Variants in HDAC2 observed in about 807,000 individuals in gnomAD.
HDAC2 encodes the protein YY1-associated factor 1.
Under a neutral mutation model 68.5 loss-of-function variants are expected in HDAC2, and 5 were observed. The ratio of observed to expected loss-of-function variants is 0.07; its 90% CI spans 0.04 to 0.15. The LOEUF is 0.15. Among genes scored for constraint, HDAC2 ranks in the 10% least tolerant of loss-of-function variants. HDAC2 has a pLI of 1.00. For missense variants in HDAC2, 291 were observed against 600.8 expected, an observed-to-expected ratio of 0.48 and a Z score of 5.39; for synonymous variants, 182 against 191.3, an observed-to-expected ratio of 0.95 and a Z score of 0.40.
At chr6:113,951,701 T>A (rs955861381) in intron 6 of HDAC2, among the ~76,000 whole-genome samples, 6 of 152,036 alleles carry the variant, frequency 3.9e-5, no homozygotes, top group Non-Finnish European at 7.4e-5. Flanking sequence ...TCTCCTGACC[T>A]CGTGATCCTC....
chr6:113,970,889 C>T lies in HDAC2; in HGVS notation c.20G>A (p.Gly7Asp). ...GTAGTAGCAGACTTTTTTTTTGCCG[C>T]CTCCTTGACTGTACGCCATGGGCTC... MAYSQG[G>D]GKKKVCYYYD... The change falls in exon 1 of 14, where the codon GGC becomes GAC. Residue 7 changes from glycine to aspartate, a missense_variant. By Grantham distance (94) the Gly-to-Asp change is moderately conservative. Coordinates refer to ENST00000519065, the MANE Select transcript of HDAC2 (RefSeq NM_001527.4). The T allele has an allele frequency of 6.5e-7, 1 of 1,547,326 alleles. No homozygotes were observed. Among genetic ancestry groups the T allele is most frequent in the Non-Finnish European group, 8.7e-7 (1 of 1,146,486 alleles).
intron 6 of HDAC2, among the ~76,000 whole-genome samples, chr6:113,950,700 T>TGGGG (rs34412922): frequency 1.6e-5 from 1 of 62,424 alleles, no homozygotes; most frequent in Non-Finnish European, 3.6e-5. Context: ...CTGAGTGGGG[T>TGGGG]GGGGGGGGGG....
rs1771214452 is a variant in HDAC2 at position 113,970,913 on chromosome 6, T to G, written c.-5A>C. 6.5e-7 allele frequency: 1 copy of G among 1,549,220 alleles called. No homozygotes were observed. The highest frequency in any genetic ancestry group is 8.7e-7 in the Non-Finnish European group (1 of 1,146,848). On this transcript the variant is annotated 5_prime_UTR_variant, in exon 1 of 14. Transcript: ENST00000519065. ...GCCTCCTTGACTGTACGCCATGGGC[T>G]CCCCGGCCACCGCCGCCACCGGGCT...
intron 10 of HDAC2, 72 bp downstream of exon 10, chr6:113,945,290 C>T (rs1776242971): frequency 1.5e-6 from 1 of 680,278 alleles, no homozygotes; most frequent in African/African-American, 1.9e-5. Flanking sequence ...ACCCATCATA[C>T]TTGGCCCTTT....
chr6:113,955,832 TGAA>T (rs1776540253), intron 5 of HDAC2, 178 bp downstream of exon 5: 5 of 536,914 alleles, frequency 9.3e-6, no homozygotes, highest in African/African-American at 2.0e-5. Flanking sequence ...TCTTAATAAT[TGAA>T]GAATTGGGCA....
intron 11 of HDAC2, 87 bp from the exon 12 acceptor site, chr6:113,943,593 G>T (rs968325459): frequency 2.2e-6 from 2 of 922,062 alleles, no homozygotes; most frequent in East Asian, 2.8e-5. Flanking sequence ...GCACTAAGCA[G>T]TTAGTTACCA....
rs577083268 is a variant in HDAC2 at position 113,934,532 on chromosome 6, G to A, written c.*6526C>T. On this transcript the variant is annotated 3_prime_UTR_variant, in exon 14 of 14. Transcript: ENST00000519065. ...GGAAGTACAAACAATTTAAGATGAGGCTTGTTTACCTTACCTATAGGGGTC... is the reference window on the plus strand; with the variant it reads ...GGAAGTACAAACAATTTAAGATGAGACTTGTTTACCTTACCTATAGGGGTC... 6.6e-6 allele frequency: 1 copy of A among 152,248 alleles called. No homozygotes were observed. The highest frequency in any genetic ancestry group is 2.1e-4 in the South Asian group (1 of 4,834). The allele number at this position is 152,248 out of a possible 1,614,324, so 9.4% of individuals were successfully genotyped here.
intron 5 of HDAC2, 45 bp downstream of exon 5, chr6:113,955,968 A>C (rs762646240): frequency 3.6e-5 from 52 of 1,429,070 alleles, no homozygotes; most frequent in Middle Eastern, 1.8e-4. Flanking sequence ...TGTTTTAATG[A>C]AAACACTTTA....
Position 113,944,358 on chromosome 6 carries a change from T to A in HDAC2, c.1144A>T (p.Met382Leu). ...ACAGCATCTTCTGGAATAGCTTGCATCTGGACACCAGGTGCATGAGGTAAC... is the reference window on the plus strand; with the variant it reads ...ACAGCATCTTCTGGAATAGCTTGCAACTGGACACCAGGTGCATGAGGTAAC... ...RMLPHAPGVQ[M>L]QAIPEDAVHE... The change falls in exon 11 of 14, where the codon ATG becomes TTG. Residue 382 changes from methionine (M) to leucine (L), a missense_variant. Around this residue, in one of 2 missense-constraint regions of HDAC2, gnomAD observed 137 missense variants for 128.7 expected, o/e 1.06. Coordinates refer to ENST00000519065, the MANE Select transcript of HDAC2 (RefSeq NM_001527.4). 6.2e-7 allele frequency: 1 copy of A among 1,609,016 alleles called. No individual in the cohort carries two copies. Among genetic ancestry groups the A allele is most frequent in the South Asian group, 1.1e-5 (1 of 90,976 alleles).
chr6:113,954,219 A>AAGTG lies in HDAC2; in HGVS notation c.498-805_498-802dup, dbSNP rs1239147063. Among the ~76,000 whole-genome samples the AAGTG allele has an allele frequency of 7.2e-5, 11 of 152,344 alleles. No homozygotes were observed. The East Asian group carries it at 2.1e-3, about 29-fold the overall frequency. ...CATGTCATCCTTTTGAAGTATAGTGAAGTGAGATATTATTAGATGGCAAAG... is the reference window on the plus strand; with the variant it reads ...CATGTCATCCTTTTGAAGTATAGTGAAGTGAGTGAGATATTATTAGATGGCAAAG... On this transcript the variant is annotated intron_variant, in intron 5 of 13. Coordinates refer to ENST00000519065, the MANE Select transcript of HDAC2 (RefSeq NM_001527.4).
chr6:113,967,004 T>C (rs1007379049), intron 1 of HDAC2, among the ~76,000 whole-genome samples: 3 of 152,210 alleles, frequency 2.0e-5, no homozygotes, highest in Non-Finnish European at 4.4e-5. Context: ...AGAACCCATG[T>C]AGTTGTATTA....
chr6:113,946,405 C>CT (rs1000053525), intron 8 of HDAC2: 18 of 277,648 alleles, frequency 6.5e-5, no homozygotes, highest in African/African-American at 3.7e-4. Flanking sequence ...AAGTACACAA[C>CT]TATATTAAGA....
In HDAC2 at chr6:113,936,011, C is replaced by T. The variant is rs948570221; in HGVS notation, c.*5047G>A. 6.6e-6 allele frequency: 1 copy of T among 152,156 alleles called. No homozygotes were observed. The highest frequency in any genetic ancestry group is 2.4e-5 in the African/African-American group (1 of 41,440). The allele number at this position is 152,156 out of a possible 1,614,324, so 9.4% of individuals were successfully genotyped here. A position where few individuals can be genotyped will look rare whatever the true frequency, so the allele number is the denominator to read the frequency against. On this transcript the variant is annotated 3_prime_UTR_variant, in exon 14 of 14. Transcript: ENST00000519065. Reference sequence around the variant, plus strand: ...CAGTCAAAACAGAAAATTATTCTGGCTCTAATATTCAGTTCCATTTTGTCT... The same window carrying T: ...CAGTCAAAACAGAAAATTATTCTGGTTCTAATATTCAGTTCCATTTTGTCT...
intron 1 of HDAC2, among the ~76,000 whole-genome samples, chr6:113,961,296 CTACA>C (rs1176348731): frequency 6.6e-6 from 1 of 152,114 alleles, no homozygotes; most frequent in African/African-American, 2.4e-5. Context: ...GTCCTCTCTC[CTACA>C]TATTTGATAA....
intron 1 of HDAC2, among the ~76,000 whole-genome samples, chr6:113,967,163 C>T (rs533704478): frequency 1.3e-5 from 2 of 151,086 alleles, no homozygotes; most frequent in East Asian, 1.9e-4. Flanking sequence ...TTTTTTGAGA[C>T]GGAGTTTCGC....
At chr6:113,965,408 C>G (rs1314186095) in intron 1 of HDAC2, among the ~76,000 whole-genome samples, 1 of 151,852 alleles carries the variant, frequency 6.6e-6, no homozygotes, top group African/African-American at 2.4e-5. Context: ...TGCCACCCAC[C>G]CAGGCTGGAG....
At position 113,935,319 on chromosome 6, in the gene HDAC2, C is replaced by G. The variant is rs534657852; in HGVS notation, c.*5739G>C. 1 of 152,286 alleles carries G rather than the reference C, an allele frequency of 6.6e-6. No homozygotes were observed. The highest frequency in any genetic ancestry group is 2.4e-5 in the African/African-American group (1 of 41,546). The allele number at this position is 152,286 out of a possible 1,614,324, so 9.4% of individuals were successfully genotyped here. ...TTATTTGTTGCCAGAAGTGTAATGA[C>G]TTTTTGTTGGTATTTGTTAAGTACA... On this transcript the variant is annotated 3_prime_UTR_variant, in exon 14 of 14. Coordinates refer to ENST00000519065, the MANE Select transcript of HDAC2 (RefSeq NM_001527.4).
intron 5 of HDAC2, among the ~76,000 whole-genome samples, chr6:113,955,418 G>A (rs1776529511): frequency 6.6e-6 from 1 of 151,856 alleles, no homozygotes; most frequent in African/African-American, 2.4e-5. Flanking sequence ...TCACCATGTT[G>A]GTCAGGCTGG....
At chr6:113,958,254 A>T (rs1229034869) in intron 3 of HDAC2, among the ~76,000 whole-genome samples, 1 of 152,232 alleles carries the variant, frequency 6.6e-6, no homozygotes, top group African/African-American at 2.4e-5. Flanking sequence ...GATGTGTATT[A>T]TAGTCCAGGT....
Sources: allele counts gnomAD v4.1 joint callset (sites outside exome capture counted in the v4.1 genomes callset), GRCh38; gene constraint gnomAD v4.1.1; regional missense constraint gnomAD v4.1.1; transcripts MANE v1.5; gene names NCBI Gene and HGNC (gene_info 2026-07-23, HGNC 2026-07-21).